The following NBAS variants were observed in gnomAD, a reference collection of about 807,000 sequenced individuals.
The protein encoded by NBAS is NAG/BC035112 fusion.
A neutral mutation model predicts 302.5 loss-of-function variants in NBAS; 219 were observed. The observed-to-expected ratio is 0.72, with a 90% CI of 0.65 to 0.81. The LOEUF is 0.81. NBAS is among the 30% of genes least tolerant of loss of function. The pLI, the probability that NBAS is intolerant of heterozygous loss-of-function variation, is 0.00. For synonymous variants in NBAS, 1,118 were observed against 1,021.6 expected, an observed-to-expected ratio of 1.09 and a Z score of -1.80; for missense variants, 2,932 against 2,841.6, an observed-to-expected ratio of 1.03 and a Z score of -0.72.
chr2:15,171,098 C>A (rs1664270874), intron 51 of NBAS, among the ~76,000 whole-genome samples: 1 of 152,146 alleles, frequency 6.6e-6, no homozygotes, highest in African/African-American at 2.4e-5. Context: ...TACTCTCTGA[C>A]CATGCATTAT....
chr2:15,423,282 T>G (rs1375944466), intron 23 of NBAS, among the ~76,000 whole-genome samples: 5 of 152,226 alleles, frequency 3.3e-5, no homozygotes, highest in Admixed American at 3.3e-4. Flanking sequence ...CTTCATAGAC[T>G]AGGATGTCAA....
rs936067241 is a variant in NBAS at position 15,461,602 on chromosome 2, T to G, written c.2202+85A>C. ...AAAACAAAAAAGAAAATGTAATATA[T>G]GCACACAATAACATTAACTGCACAG... is the stretch of plus-strand genomic sequence containing the variant. On this transcript the variant is annotated intron_variant, in intron 20 of 51. Transcript: ENST00000281513. 4.7e-6 allele frequency: 4 copies of G among 851,236 alleles called. No homozygotes were observed. The African/African-American group carries it at 6.9e-5, about 15-fold the overall frequency. 52.7% of individuals were successfully genotyped at this position (851,236 alleles called of 1,614,324 possible). A position where few individuals can be genotyped will look rare whatever the true frequency, so the allele number is the denominator to read the frequency against.
intron 7 of NBAS, among the ~76,000 whole-genome samples, chr2:15,537,117 G>A (rs1203039524): frequency 6.6e-6 from 1 of 152,190 alleles, no homozygotes; most frequent in African/African-American, 2.4e-5. Context: ...CACCCATGAA[G>A]GGGATTCGAA....
At chr2:14,842,683 C>G in the NBAS span, among the ~76,000 whole-genome samples, 2 of 151,818 alleles carry the variant, frequency 1.3e-5, no homozygotes, top group Non-Finnish European at 2.9e-5. Context: ...AGTCAACCAT[C>G]AAAGAAAAGT....
Position 15,218,718 on chromosome 2 carries a change from G to A in NBAS, c.6432+55C>T, listed in dbSNP as rs562613696. ...GCTGGGATTACAGGCGTGAGCAACC[G>A]CGTCCGGCCTAATTATTGTTAGTAA... On this transcript the variant is annotated intron_variant, in intron 48 of 51. Transcript: ENST00000281513. 35 of 1,610,558 alleles carry A rather than the reference G, an allele frequency of 2.2e-5. No homozygotes were observed. The African/African-American group carries it at 3.9e-4, about 18-fold the overall frequency.
intron 44 of NBAS, among the ~76,000 whole-genome samples, chr2:15,248,354 A>G (rs1233757816): frequency 1.3e-5 from 2 of 152,214 alleles, no homozygotes; most frequent in African/African-American, 2.4e-5. Context: ...GAAAGCAAGA[A>G]ACACCTAAAG....
At chr2:15,171,811 C>T (rs963876593) in intron 51 of NBAS, among the ~76,000 whole-genome samples, 1 of 152,266 alleles carries the variant, frequency 6.6e-6, no homozygotes, top group Non-Finnish European at 1.5e-5. Context: ...GAAGAGAAGA[C>T]AGGACACGCA....
At chr2:15,048,007 A>C in the NBAS span, among the ~76,000 whole-genome samples, 1 of 149,792 alleles carries the variant, frequency 6.7e-6, no homozygotes, top group Non-Finnish European at 1.5e-5. Flanking sequence ...CAATTGTTTA[A>C]GTTTGCGTTC....
chr2:15,485,196 A>T (rs1247766828), intron 12 of NBAS, among the ~76,000 whole-genome samples: 1 of 152,156 alleles, frequency 6.6e-6, no homozygotes, highest in Admixed American at 6.5e-5. Context: ...CATATCTGAG[A>T]GAGCTGAAGG....
At chr2:15,085,889 G>A in the NBAS span, among the ~76,000 whole-genome samples, 1 of 152,156 alleles carries the variant, frequency 6.6e-6, no homozygotes, top group African/African-American at 2.4e-5. Context: ...GAGGGTGAGG[G>A]GGTAATCTGA....
At chr2:15,515,694 T>G (rs763691589) in intron 9 of NBAS, among the ~76,000 whole-genome samples, 7 of 152,166 alleles carry the variant, frequency 4.6e-5, no homozygotes, top group African/African-American at 7.2e-5. Context: ...CGCTCCATCA[T>G]CATCACAGTG....
At chr2:15,218,460 T>C (rs546742577) in intron 48 of NBAS, among the ~76,000 whole-genome samples, 9 of 152,314 alleles carry the variant, frequency 5.9e-5, no homozygotes, top group African/African-American at 1.9e-4. Context: ...AGTCTTGCTC[T>C]GTTGCCCAGG....
At chr2:15,025,049 C>T in the NBAS span, among the ~76,000 whole-genome samples, 1 of 152,138 alleles carries the variant, frequency 6.6e-6, no homozygotes, top group Non-Finnish European at 1.5e-5. Context: ...GTTCCAATGT[C>T]CAAAATGGTA....
intron 44 of NBAS, among the ~76,000 whole-genome samples, chr2:15,241,555 A>C (rs1302164073): frequency 6.6e-6 from 1 of 152,216 alleles, no homozygotes; most frequent in Non-Finnish European, 1.5e-5. Context: ...AAACTTGACA[A>C]AGTGCTTCAA....
chr2:15,300,746 T>C (rs1670760065), intron 40 of NBAS, among the ~76,000 whole-genome samples: 1 of 152,112 alleles, frequency 6.6e-6, no homozygotes, highest in African/African-American at 2.4e-5. Flanking sequence ...TCGACTGTCA[T>C]CCTAAAATAA....
At chr2:15,529,699 C>G (rs574949516) in intron 9 of NBAS, among the ~76,000 whole-genome samples, 1 of 152,184 alleles carries the variant, frequency 6.6e-6, no homozygotes, top group South Asian at 2.1e-4. Flanking sequence ...AATTTCACAA[C>G]AAAGAACTGA....
At chr2:15,223,860 A>T (rs1444964263) in intron 47 of NBAS, among the ~76,000 whole-genome samples, 4 of 152,022 alleles carry the variant, frequency 2.6e-5, no homozygotes, top group African/African-American at 9.7e-5. Flanking sequence ...TAAAATAGAT[A>T]AAAAAAGAAA....
chr2:15,238,598 T>C lies in NBAS; in HGVS notation c.5813A>G (p.Glu1938Gly), dbSNP rs1397990900. 6.2e-7 allele frequency: 1 copy of C among 1,613,798 alleles called. No individual in the cohort carries two copies. Among genetic ancestry groups the C allele is most frequent in the Admixed American group, 1.7e-5 (1 of 59,938 alleles). ...FIEKPRKRNSEDEAQEAKDSK... is the reference protein window; with the variant it reads ...FIEKPRKRNSGDEAQEAKDSK... ...ATCCTTAGCTTCTTGAGCTTCGTCT[T>C]CTGAGTTTCTTTTCCTTGGCTTCTC... Residue 1938 changes from glutamate to glycine, a missense_variant, in exon 45 of 52, where the codon GAA becomes GGA. Coordinates refer to ENST00000281513, the MANE Select transcript of NBAS (RefSeq NM_015909.4).
chr2:14,823,062 A>T, the NBAS span, among the ~76,000 whole-genome samples: 45 of 152,352 alleles, frequency 3.0e-4, no homozygotes, highest in African/African-American at 1.1e-3. Context: ...TGAATTGGCA[A>T]AACAAACATA....
Sources: gnomAD v4.1 joint callset for allele counts (sites outside exome capture counted in the v4.1 genomes callset) on GRCh38, gnomAD v4.1.1 for gene constraint, MANE v1.5 for transcripts, NCBI Gene and HGNC (gene_info 2026-07-23, HGNC 2026-07-21) for gene names.